EML4: variants seen among roughly 807,000 people sequenced by gnomAD.
EML4 encodes the protein echinoderm microtubule-associated protein-like 4.
EML4 carries 72 observed loss-of-function variants against 129.0 expected under a neutral mutation model. The observed-to-expected ratio is 0.56, with a 90% confidence interval of 0.46 to 0.68. The LOEUF (loss-of-function observed/expected upper bound fraction) is 0.68. EML4 is among the 30% of genes least tolerant of loss of function. The pLI is 0.00. For synonymous variants in EML4, 532 were observed against 405.0 expected, an observed-to-expected ratio of 1.31 and a Z score of -3.77; for missense variants, 1,363 against 1,190.6, an observed-to-expected ratio of 1.14 and a Z score of -2.13.
chr2:42,269,432 C>G (rs1050418920), intron 6 of EML4, among the ~76,000 whole-genome samples: 2 of 152,148 alleles, frequency 1.3e-5, no homozygotes, highest in Non-Finnish European at 2.9e-5. Context: ...CTTATTTTGT[C>G]AGACCCTATC....
At chr2:42,311,654 G>A (rs1429275053) in intron 17 of EML4, among the ~76,000 whole-genome samples, 4 of 152,128 alleles carry the variant, frequency 2.6e-5, no homozygotes, top group Non-Finnish European at 5.9e-5. Context: ...ATTTTGGTGT[G>A]TCAGTTCAGT....
At position 42,296,301 on chromosome 2, in the gene EML4, T is replaced by TAG. The variant is rs1279933908; in HGVS notation, c.1489+787_1489+788dup. Among the ~76,000 whole-genome samples, 3 of 152,030 alleles carry TAG rather than the reference T, an allele frequency of 2.0e-5. No individual in the cohort carries two copies. In the East Asian group the frequency reaches 5.8e-4, roughly 29 times the overall value. On this transcript the variant is annotated intron_variant, in intron 13 of 22. Coordinates refer to ENST00000318522, the MANE Select transcript of EML4 (RefSeq NM_019063.5). Reference sequence around the variant, plus strand: ...CAGCAACAGGTGGTAACAGTAGAAATAGAACTAGCTAGGTCAGCCAGTCCT... The same window carrying TAG: ...CAGCAACAGGTGGTAACAGTAGAAATAGAGAACTAGCTAGGTCAGCCAGTCCT...
chr2:42,234,899 G>A (rs1239563588), intron 1 of EML4, among the ~76,000 whole-genome samples: 1 of 152,234 alleles, frequency 6.6e-6, no homozygotes, highest in Non-Finnish European at 1.5e-5. Context: ...CTCATGCCTT[G>A]TAATCCCAAC....
chr2:42,308,967 A>G (rs539743514), intron 17 of EML4, among the ~76,000 whole-genome samples: 2 of 152,292 alleles, frequency 1.3e-5, no homozygotes, highest in African/African-American at 4.8e-5. Flanking sequence ...ACCTTCATCA[A>G]CTGATGGACA....
intron 13 of EML4, 40 bp downstream of exon 13, chr2:42,295,556 C>G: frequency 1.3e-6 from 2 of 1,580,536 alleles, no homozygotes; most frequent in Non-Finnish European, 1.7e-6. Flanking sequence ...TGGTAATTCT[C>G]ACATAGTACT....
intron 13 of EML4, 26 bp from the exon 14 acceptor site, chr2:42,301,215 G>A (rs112435038): frequency 1.3e-6 from 2 of 1,589,558 alleles, no homozygotes; most frequent in African/African-American, 2.7e-5. Flanking sequence ...ATTATCACTA[G>A]TGTTTTTATT....
At position 42,196,005 on chromosome 2, in the gene EML4, A is replaced by G. The variant is rs570828364; in HGVS notation, c.25+26369A>G. The stretch of plus-strand genomic sequence containing the variant: ...GTTTAAATATTGGTCATACTTCTAT[A>G]CTATACATTGACCAGACTTAGATAT... On this transcript the variant is annotated intron_variant, in intron 1 of 22. Coordinates refer to ENST00000318522, the MANE Select transcript of EML4 (RefSeq NM_019063.5). 9.8e-5 allele frequency among the ~76,000 whole-genome samples: 15 copies of G among 152,322 alleles called. No individual in the cohort carries two copies. In the South Asian group the frequency reaches 3.1e-3, roughly 32 times the overall value.
Position 42,329,999 on chromosome 2 carries a change from A to C in EML4, c.2738A>C (p.Glu913Ala), listed in dbSNP as rs1670016170. 6.2e-7 allele frequency: 1 copy of C among 1,613,796 alleles called. No homozygotes were observed. The highest frequency in any genetic ancestry group is 8.5e-7 in the Non-Finnish European group (1 of 1,179,992). Reference sequence around the variant, plus strand: ...CCCTTAAATGAGACAGCTGAAGAGGAAAGTAGAATAAGCAGTTCTCCCACA... The same window carrying C: ...CCCTTAAATGAGACAGCTGAAGAGGCAAGTAGAATAAGCAGTTCTCCCACA... ...SQPLNETAEE[E>A]SRISSSPTLL... is the part of the protein sequence containing the mutation. Residue 913 changes from glutamate to alanine, a missense_variant, in exon 23 of 23, where the codon GAA becomes GCA. Coordinates refer to ENST00000318522, the MANE Select transcript of EML4 (RefSeq NM_019063.5).
At chr2:42,326,836 T>G (rs1369292687) in intron 21 of EML4, among the ~76,000 whole-genome samples, 1 of 152,178 alleles carries the variant, frequency 6.6e-6, no homozygotes, top group African/African-American at 2.4e-5. Flanking sequence ...GAGCTGAGAT[T>G]GTGCCACTGC....
chr2:42,245,758 T>C, intron 2 of EML4, 71 bp downstream of exon 2: 2 of 1,400,768 alleles, frequency 1.4e-6, no homozygotes, highest in Non-Finnish European at 1.9e-6. Context: ...AAGCTGGAAA[T>C]ATAAAACTAG....
intron 1 of EML4, among the ~76,000 whole-genome samples, chr2:42,212,525 G>A (rs1672941702): frequency 1.3e-5 from 2 of 151,512 alleles, no homozygotes; most frequent in Admixed American, 1.3e-4. Flanking sequence ...AGAATATTTT[G>A]TTAATGTTTG....
At chr2:42,171,100 C>A (rs1266368660) in intron 1 of EML4, among the ~76,000 whole-genome samples, 2 of 152,190 alleles carry the variant, frequency 1.3e-5, no homozygotes, top group African/African-American at 4.8e-5. Flanking sequence ...CCTTTGATGT[C>A]TTGTAATTCC....
intron 17 of EML4, among the ~76,000 whole-genome samples, chr2:42,308,577 C>G (rs1668746784): frequency 6.6e-6 from 1 of 151,982 alleles, no homozygotes; most frequent in African/African-American, 2.4e-5. Flanking sequence ...ACATAACCCC[C>G]CCAAAAAAGA....
In EML4 at chr2:42,215,693, G is replaced by T. The variant is rs192237705; in HGVS notation, c.26-29812G>T. Among the ~76,000 whole-genome samples, 31 of 152,262 alleles carry T rather than the reference G, an allele frequency of 2.0e-4. No individual in the cohort carries two copies. In the East Asian group the frequency reaches 5.4e-3, roughly 27 times the overall value. On this transcript the variant is annotated intron_variant, in intron 1 of 22. Transcript: ENST00000318522. ...TTTAAAAGTAAGTTGCGGGTACTCA[G>T]ATACAGAGTTAAATTACTTTTTTCT... is the stretch of plus-strand genomic sequence containing the variant.
intron 17 of EML4, among the ~76,000 whole-genome samples, chr2:42,313,389 A>G (rs1669067676): frequency 6.6e-6 from 1 of 152,162 alleles, no homozygotes; most frequent in Admixed American, 6.5e-5. Flanking sequence ...ATGGTCACTC[A>G]TATTTGGCTC....
intron 1 of EML4, among the ~76,000 whole-genome samples, chr2:42,212,489 G>A (rs1016670704): frequency 7.9e-5 from 12 of 151,014 alleles, no homozygotes; most frequent in Non-Finnish European, 1.6e-4. Context: ...TTTTTTTTTA[G>A]CAATACATGT....
intron 14 of EML4, among the ~76,000 whole-genome samples, chr2:42,302,677 G>A (rs1668355164): frequency 1.3e-5 from 2 of 152,008 alleles, no homozygotes; most frequent in East Asian, 1.9e-4. Context: ...GGGATTATAG[G>A]CGCCCGCCAC....
intron 11 of EML4, chr2:42,289,623 C>G (rs1323517238): frequency 3.3e-5 from 5 of 152,216 alleles, no homozygotes; most frequent in Non-Finnish European, 7.3e-5. Flanking sequence ...CGCATTTCAC[C>G]TAGCTACCTA....
At chr2:42,245,099 T>TTTTTTTTTTTTTTTTTTTTC (rs1675310251) in intron 1 of EML4, among the ~76,000 whole-genome samples, 1 of 119,010 alleles carries the variant, frequency 8.4e-6, no homozygotes, top group African/African-American at 3.4e-5. Flanking sequence ...TCTTTCTTTT[T>TTTTTTTTTTTTTTTTTTTTC]TTTTTTTTTT....
Sources: gnomAD v4.1 joint callset for allele counts (sites outside exome capture counted in the v4.1 genomes callset) on GRCh38, gnomAD v4.1.1 for gene constraint, MANE v1.5 for transcripts, NCBI Gene and HGNC (gene_info 2026-07-23, HGNC 2026-07-21) for gene names.